The following YEATS2 variants were observed in gnomAD, a reference collection of about 807,000 sequenced individuals.
The protein encoded by YEATS2 is YEATS domain containing 2, also known as YEATS domain-containing protein 2.
Under a neutral mutation model 163.2 loss-of-function variants are expected in YEATS2, and 77 were observed. That is an observed-to-expected ratio of 0.47 (90% CI 0.39 to 0.57). The LOEUF (loss-of-function observed/expected upper bound fraction) is 0.57, where lower values mean the gene tolerates loss of function less well. YEATS2 is among the 20% of genes least tolerant of loss of function. The probability of loss-of-function intolerance (pLI) is 0.00; values close to 1 mark genes in which losing one functional copy is unlikely to be tolerated. For synonymous variants in YEATS2, 631 were observed against 645.1 expected (o/e 0.98, Z 0.33); for missense variants, 1,549 against 1,729.8 (o/e 0.90, Z 1.85).
intron 1 of YEATS2, among the ~76,000 whole-genome samples, chr3:183,709,036 A>G (rs1350260886): frequency 6.6e-6 from 1 of 152,046 alleles, no homozygotes; most frequent in Non-Finnish European, 1.5e-5. Flanking sequence ...GGCACACACC[A>G]GTAATCCCAG....
chr3:183,794,918 C>T (rs1724995047), intron 21 of YEATS2, among the ~76,000 whole-genome samples: 1 of 151,862 alleles, frequency 6.6e-6, no homozygotes, highest in South Asian at 2.1e-4. Context: ...GACTGTAATT[C>T]CAGCAGTTTG....
chr3:183,793,609 C>A, intron 21 of YEATS2: 7 of 107,686 alleles, frequency 6.5e-5, no homozygotes, highest in Non-Finnish European at 1.2e-4. Flanking sequence ...TTCTTTCTTT[C>A]TTTTTTTTTT....
intron 1 of YEATS2, among the ~76,000 whole-genome samples, chr3:183,698,573 A>G (rs904989686): frequency 3.9e-5 from 6 of 152,244 alleles, no homozygotes; most frequent in Admixed American, 3.3e-4. Context: ...GCAGAAGACA[A>G]TGAGGTTTTC....
In YEATS2 at chr3:183,776,089, C is replaced by T; in HGVS notation, c.2543C>T (p.Thr848Ile). ...CCTGGAGGGATATCTCAGCACCTGA[C>T]TTACACATCTTACATCCTCAAGCAA... ...AGPGGISQHLTYTSYILKQTP... is the reference protein window; with the variant it reads ...AGPGGISQHLIYTSYILKQTP... The change falls in exon 18 of 31, where the codon ACT becomes ATT. Residue 848 changes from threonine to isoleucine, a missense_variant. Thr to Ile is a moderately conservative substitution (Grantham distance 89, BLOSUM62 -1). Transcript: ENST00000305135. 1 of 1,599,802 alleles carries T rather than the reference C, an allele frequency of 6.3e-7. No homozygotes were observed. Among genetic ancestry groups the T allele is most frequent in the Non-Finnish European group, 8.5e-7 (1 of 1,173,256 alleles).
intron 21 of YEATS2, among the ~76,000 whole-genome samples, chr3:183,794,049 A>G (rs1314898641): frequency 1.3e-5 from 2 of 152,230 alleles, no homozygotes; most frequent in Non-Finnish European, 1.5e-5. Context: ...CGGAGAGAGC[A>G]TAAGGAGATT....
intron 4 of YEATS2, 141 bp downstream of exon 4, chr3:183,718,733 G>A (rs749244392): frequency 5.7e-6 from 4 of 696,230 alleles, no homozygotes; most frequent in Non-Finnish European, 9.2e-6. Flanking sequence ...GAGTCTCGCT[G>A]TGTCACCCAG....
chr3:183,766,395 TA>T (rs1371837795), intron 15 of YEATS2, among the ~76,000 whole-genome samples: 1 of 152,236 alleles, frequency 6.6e-6, no homozygotes, highest in Admixed American at 6.5e-5. Context: ...TAAACAGCCA[TA>T]TTTTTTAATA....
At chr3:183,785,663 AT>A (rs1333864645) in intron 19 of YEATS2, among the ~76,000 whole-genome samples, 9 of 152,248 alleles carry the variant, frequency 5.9e-5, no homozygotes, top group South Asian at 2.1e-4. Context: ...CTCTAAAAAA[AT>A]AAAATAAAAT....
rs1417628816 is a variant in YEATS2, at chr3:183,797,941, C to G, written c.3116C>G (p.Ser1039Cys). Residue 1039 changes from serine to cysteine, a missense_variant, in exon 22 of 31, where the codon TCC becomes TGC. By Grantham distance (112) the Ser-to-Cys change is moderately radical (BLOSUM62 -1). Transcript: ENST00000305135. The stretch of plus-strand genomic sequence containing the variant: ...GTTCTAGGACTGTTAAAGATTCACT[C>G]CAGTCAGTCCAGTCCGCAGCAGGCC... ...ATVSGLLKIH[S>C]SQSSPQQAVL... is the part of the protein sequence containing the mutation. 1.2e-5 allele frequency: 20 copies of G among 1,613,994 alleles called. No homozygotes were observed. Among genetic ancestry groups the G allele is most frequent in the African/African-American group, 2.7e-5 (2 of 74,932 alleles).
At chr3:183,760,313 ATT>A (rs11417378) in intron 13 of YEATS2, among the ~76,000 whole-genome samples, 43,600 of 109,698 alleles carry the variant, frequency 0.4, 6,836 homozygotes, top group East Asian at 0.59. Flanking sequence ...AAACTACAGA[ATT>A]TTTTTTTTTT....
chr3:183,765,448 G>C (rs1721808047), intron 15 of YEATS2, among the ~76,000 whole-genome samples: 1 of 152,196 alleles, frequency 6.6e-6, no homozygotes, highest in Admixed American at 6.5e-5. Flanking sequence ...AGGTGGGTCT[G>C]TGCCACAATG....
At chr3:183,727,060 A>G (rs930925435) in intron 6 of YEATS2, among the ~76,000 whole-genome samples, 1 of 152,110 alleles carries the variant, frequency 6.6e-6, no homozygotes, top group Non-Finnish European at 1.5e-5. Context: ...CTTGGCCTCC[A>G]AAAGTGCTGA....
Position 183,736,844 on chromosome 3 carries a change from C to T in YEATS2, c.924+15C>T, listed in dbSNP as rs376336072. ...ATAATCTGAAGGTATTGTAACAAAA[C>T]ATTGCTCCCTAGTTTTGAAGTCTCT... is the stretch of plus-strand genomic sequence containing the variant. On this transcript the variant is annotated intron_variant, in intron 8 of 30. Transcript: ENST00000305135. The T allele has an allele frequency of 7.8e-5, 125 of 1,600,262 alleles. No homozygotes were observed. The African/African-American group carries it at 1.5e-3, about 19-fold the overall frequency.
intron 8 of YEATS2, 130 bp downstream of exon 8, chr3:183,736,959 A>T: frequency 1.5e-6 from 1 of 667,226 alleles, no homozygotes; most frequent in South Asian, 2.1e-5. Context: ...GACTCCCCCA[A>T]AACTTAACTA....
At chr3:183,743,349 T>G (rs1719174766) in intron 8 of YEATS2, among the ~76,000 whole-genome samples, 1 of 152,152 alleles carries the variant, frequency 6.6e-6, no homozygotes. Context: ...ACGTTTATTT[T>G]TTATTTTTTT....
intron 1 of YEATS2, among the ~76,000 whole-genome samples, chr3:183,712,645 A>T (rs1482289043): frequency 6.6e-6 from 1 of 152,192 alleles, no homozygotes; most frequent in African/African-American, 2.4e-5. Context: ...TGTAAGGGAT[A>T]ATCTAACCAC....
chr3:183,788,521 G>A (rs1302645578), intron 20 of YEATS2, among the ~76,000 whole-genome samples: 1 of 152,174 alleles, frequency 6.6e-6, no homozygotes, highest in Non-Finnish European at 1.5e-5. Context: ...TTGTGTATAT[G>A]TACCACATTT....
chr3:183,788,556 A>G (rs967591048), intron 20 of YEATS2, among the ~76,000 whole-genome samples: 2 of 152,186 alleles, frequency 1.3e-5, no homozygotes, highest in African/African-American at 4.8e-5. Flanking sequence ...CTGGTGATGG[A>G]CACTTAGGTT....
intron 19 of YEATS2, among the ~76,000 whole-genome samples, chr3:183,781,896 C>A (rs959155172): frequency 2.7e-4 from 41 of 151,268 alleles, no homozygotes; most frequent in African/African-American, 9.5e-4. Flanking sequence ...GAGCAACACC[C>A]TGTCTTAAAA....
Sources: gnomAD v4.1 joint callset for allele counts (sites outside exome capture counted in the v4.1 genomes callset) on GRCh38, gnomAD v4.1.1 for gene constraint, MANE v1.5 for transcripts, NCBI Gene and HGNC (gene_info 2026-07-23, HGNC 2026-07-21) for gene names.